Variants in BARHL2 observed in about 807,000 individuals in gnomAD.
BARHL2 encodes barH-like 2 homeobox protein.
A neutral mutation model predicts 27.1 loss-of-function variants in BARHL2; 10 were observed. That is an observed-to-expected ratio of 0.37 (90% CI 0.23 to 0.63). The LOEUF is 0.63. Ranked by LOEUF, BARHL2 falls within the 20% of genes least tolerant of loss-of-function variation. BARHL2 has a pLI of 0.65. For missense variants in BARHL2, 483 were observed against 533.5 expected (o/e 0.91, Z 0.93); for synonymous variants, 248 against 224.7 (o/e 1.10, Z -0.93).
Position 90,716,660 on chromosome 1 carries a change from T to G in BARHL2, c.536A>C (p.His179Pro), listed in dbSNP as rs765213848. ...CTCGAGCTTTGGCCTGAAGCTCTCGTGCACTGCGTTGCTCTCCTGCTTCGG... is the reference window on the plus strand; with the variant it reads ...CTCGAGCTTTGGCCTGAAGCTCTCGGGCACTGCGTTGCTCTCCTGCTTCGG... ...HTPKQESNAV[H>P]ESFRPKLEQE... is the part of the protein sequence containing the mutation. Residue 179 changes from histidine (H) to proline (P), a missense_variant, in exon 1 of 3, where the codon CAC (histidine) becomes CCC (proline). Physicochemically the swap from His to Pro is moderately conservative, Grantham distance 77. This residue lies in a region of BARHL2 where 304 missense variants were observed against 284.9 expected (regional missense o/e 1.07). Transcript: ENST00000370445. 2 of 1,613,682 alleles carry G rather than the reference T, an allele frequency of 1.2e-6. No homozygotes were observed. Among genetic ancestry groups the G allele is most frequent in the Non-Finnish European group, 1.7e-6 (2 of 1,179,882 alleles).
chr1:90,717,212 C>T lies in BARHL2; in HGVS notation c.-17G>A. The T allele has an allele frequency of 6.2e-7, 1 of 1,601,600 alleles. No homozygotes were observed. The highest frequency in any genetic ancestry group is 8.5e-7 in the Non-Finnish European group (1 of 1,176,232). ...CATTGTCATTGCTACATGAGGTCCA[C>T]GCCACTCCGCCGTTCAGCAGCCGCC... On this transcript the variant is annotated 5_prime_UTR_variant, in exon 1 of 3. The change creates a new upstream start codon in the 5' untranslated region. Transcript: ENST00000370445.
Position 90,712,275 on chromosome 1 carries a change from A to G in BARHL2, c.*37T>C, listed in dbSNP as rs372034213. 9 of 1,428,360 alleles carry G rather than the reference A, an allele frequency of 6.3e-6. No individual in the cohort carries two copies. The African/African-American group carries it at 1.3e-4, about 20-fold the overall frequency. The allele number at this position is 1,428,360 out of a possible 1,614,324, so 88.5% of individuals were successfully genotyped here. A position where few individuals can be genotyped will look rare whatever the true frequency, so the allele number is the denominator to read the frequency against. Reference sequence around the variant, plus strand: ...GCAGCAGTCCGGGTTGGGCAGGGATATGGGGAAGGGATTGCAGTGCCTTCG... The same window carrying G: ...GCAGCAGTCCGGGTTGGGCAGGGATGTGGGGAAGGGATTGCAGTGCCTTCG... On this transcript the variant is annotated 3_prime_UTR_variant, in exon 3 of 3. Coordinates refer to ENST00000370445, the MANE Select transcript of BARHL2 (RefSeq NM_020063.2).
chr1:90,717,091 G>A lies in BARHL2; in HGVS notation c.105C>T (p.Leu35=). Residue 35 remains leucine (L), a synonymous_variant, in exon 1 of 3, where the codon CTC becomes CTT. Transcript: ENST00000370445. Reference sequence around the variant, plus strand: ...TAAAATCCGCGGTCCTGGCCTCACCGAGCGGGCGGAAATCTCCATTCATCA... The same window carrying A: ...TAAAATCCGCGGTCCTGGCCTCACCAAGCGGGCGGAAATCTCCATTCATCA... ...PGMMNGDFRP[L]GEARTADFRS... is the part of the protein sequence containing the mutation. 5.0e-6 allele frequency: 8 copies of A among 1,613,960 alleles called. No homozygotes were observed. Among genetic ancestry groups the A allele is most frequent in the Non-Finnish European group, 6.8e-6 (8 of 1,179,974 alleles).
chr1:90,712,703 C>A, intron 2 of BARHL2, 79 bp from the exon 3 acceptor site: 1 of 1,373,014 alleles, frequency 7.3e-7, no homozygotes, highest in African/African-American at 1.5e-5. Context: ...TTCTCTGGCC[C>A]CTTCCTGCCT....
At chr1:90,714,315 T>C (rs982983908) in intron 2 of BARHL2, among the ~76,000 whole-genome samples, 6 of 152,188 alleles carry the variant, frequency 3.9e-5, no homozygotes, top group Non-Finnish European at 2.9e-5. Context: ...TTAAAGCACA[T>C]AGAATTGCAA....
chr1:90,715,243 T>C (rs566315417), intron 1 of BARHL2, among the ~76,000 whole-genome samples: 1 of 149,708 alleles, frequency 6.7e-6, no homozygotes, highest in East Asian at 2.0e-4. Flanking sequence ...CTGAAAGTTA[T>C]AGGTGTTTGT....
rs1658156303 is a variant in BARHL2 at position 90,716,806 on chromosome 1, C to T, written c.390G>A (p.Ser130=). 3.2e-6 allele frequency: 5 copies of T among 1,552,530 alleles called. No homozygotes were observed. Among genetic ancestry groups the T allele is most frequent in the Non-Finnish European group, 4.4e-6 (5 of 1,147,900 alleles). The change falls in exon 1 of 3, where the codon TCG becomes TCA. Residue 130 remains serine, a synonymous_variant. Transcript: ENST00000370445. ...PPPPPPQQLG[S]AASAPRTSTS... ...TGGAAGTCCTGGGGGCCGAGGCGGC[C>T]GAGCCCAGCTGCTGGGGGGGCGGCG...
At chr1:90,714,440 A>T in intron 2 of BARHL2, 91 bp downstream of exon 2, 1 of 1,268,098 alleles carries the variant, frequency 7.9e-7, no homozygotes, top group Non-Finnish European at 1.1e-6. Context: ...CAGTCCTTAG[A>T]GTCTCTGGAG....
chr1:90,714,893 C>A (rs529607364), intron 1 of BARHL2, 137 bp from the exon 2 acceptor site: 2 of 722,626 alleles, frequency 2.8e-6, no homozygotes, highest in Admixed American at 4.3e-5. Context: ...CTAGAACACA[C>A]ACACACTCAC....
chr1:90,715,841 A>G (rs1332341340), intron 1 of BARHL2, among the ~76,000 whole-genome samples: 4 of 143,812 alleles, frequency 2.8e-5, no homozygotes, highest in Non-Finnish European at 6.2e-5. Flanking sequence ...TTGTCATCTT[A>G]TTTTTTTTTT....
intron 1 of BARHL2, among the ~76,000 whole-genome samples, chr1:90,716,289 C>G (rs1402432337): frequency 1.3e-5 from 2 of 152,150 alleles, no homozygotes; most frequent in African/African-American, 4.8e-5. Flanking sequence ...CTGTCGGATG[C>G]CCTCCGCCGC....
At chr1:90,712,745 C>T in intron 2 of BARHL2, 121 bp from the exon 3 acceptor site, 8 of 1,008,494 alleles carry the variant, frequency 7.9e-6, no homozygotes, top group Non-Finnish European at 1.1e-5. Flanking sequence ...GGCAGGAAGA[C>T]TCAGAGACCT....
At chr1:90,714,115 G>A (rs796306550) in intron 2 of BARHL2, among the ~76,000 whole-genome samples, 15 of 152,308 alleles carry the variant, frequency 9.8e-5, no homozygotes, top group Admixed American at 7.2e-4. Flanking sequence ...TAGCTGGGCC[G>A]GGCCGTGTTG....
In BARHL2 at chr1:90,714,637, G is replaced by A. The variant is rs776386545; in HGVS notation, c.745C>T (p.Arg249Cys). Residue 249 changes from arginine to cysteine, a missense_variant, in exon 2 of 3, where the codon CGT becomes TGT. Coordinates refer to ENST00000370445, the MANE Select transcript of BARHL2 (RefSeq NM_020063.2). ...AGGTACTTCTGCCGCTCAAAGCTACGCTCCAGTTGATTGAGCTGGTGGTCG... is the reference window on the plus strand; with the variant it reads ...AGGTACTTCTGCCGCTCAAAGCTACACTCCAGTTGATTGAGCTGGTGGTCG... ...FSDHQLNQLE[R>C]SFERQKYLSV... 3.1e-6 allele frequency: 5 copies of A among 1,614,114 alleles called. No homozygotes were observed. The highest frequency in any genetic ancestry group is 2.2e-5 in the East Asian group (1 of 44,894).
At chr1:90,716,503 G>C (rs911227126) in intron 1 of BARHL2, 68 bp downstream of exon 1, 14 of 1,513,558 alleles carry the variant, frequency 9.2e-6, no homozygotes, top group African/African-American at 1.4e-5. Context: ...TCTGCTGAAG[G>C]CTGAAGGGGA....
In BARHL2 at chr1:90,712,598, A is replaced by G; in HGVS notation, c.878T>C (p.Val293Ala). ...TGCCTCGGCCAGCAACTCCAGGCCC[A>G]CCGCTGTCTGCCGCTTCCACTTGGT... is the stretch of plus-strand genomic sequence containing the variant. Reference protein sequence around the residue: ...RRTKWKRQTAVGLELLAEAGN... With the variant: ...RRTKWKRQTAAGLELLAEAGN... The change falls in exon 3 of 3, where the codon GTG becomes GCG. Residue 293 changes from valine to alanine, a missense_variant. By Grantham distance (64) the Val-to-Ala change is moderately conservative. This residue lies in a region of BARHL2 where 130 missense variants were observed against 138.0 expected (regional missense o/e 0.94). Coordinates refer to ENST00000370445, the MANE Select transcript of BARHL2 (RefSeq NM_020063.2). 6.2e-7 allele frequency: 1 copy of G among 1,609,142 alleles called. No individual in the cohort carries two copies. The highest frequency in any genetic ancestry group is 8.5e-7 in the Non-Finnish European group (1 of 1,176,556).
Position 90,716,855 on chromosome 1 carries a change from G to T in BARHL2, c.341C>A (p.Pro114Gln). ...SLQPLPQQQQ[P>Q]LPPQQPPPPP... ...CGGCGGCGGCTGCTGTGGCGGCAGC[G>T]GCTGCTGCTGTTGGGGCAAAGGCTG... Residue 114 changes from proline (P) to glutamine (Q), a missense_variant, in exon 1 of 3, where the codon CCG becomes CAG. Around this residue, in one of 3 missense-constraint regions of BARHL2, gnomAD observed 304 missense variants for 284.9 expected, o/e 1.07. Transcript: ENST00000370445. The T allele has an allele frequency of 6.4e-7, 1 of 1,556,664 alleles. No individual in the cohort carries two copies. Among genetic ancestry groups the T allele is most frequent in the African/African-American group, 1.4e-5 (1 of 73,006 alleles).
intron 1 of BARHL2, 65 bp from the exon 2 acceptor site, chr1:90,714,821 T>C: frequency 1.3e-6 from 2 of 1,481,900 alleles, no homozygotes; most frequent in Middle Eastern, 1.7e-4. Context: ...AGTGTCCTCC[T>C]GGCATACACT....
In BARHL2 at chr1:90,716,901, C is replaced by T; in HGVS notation, c.295G>A (p.Ala99Thr). The T allele has an allele frequency of 6.3e-7, 1 of 1,596,538 alleles. No homozygotes were observed. The highest frequency in any genetic ancestry group is 8.5e-7 in the Non-Finnish European group (1 of 1,173,592). Residue 99 changes from alanine (A) to threonine (T), a missense_variant, in exon 1 of 3, where the codon GCG (alanine) becomes ACG (threonine). Ala to Thr is a moderately conservative substitution (Grantham distance 58). Coordinates refer to ENST00000370445, the MANE Select transcript of BARHL2 (RefSeq NM_020063.2). ...GGCTGCAAACTTTGCGTCGGGGCCG[C>T]GGCCGGCGGCGGCGGCTGCTGGCTG... is the stretch of plus-strand genomic sequence containing the variant. ...HHSQQPPPPA[A>T]APTQSLQPLP...
Sources: allele counts gnomAD v4.1 joint callset (sites outside exome capture counted in the v4.1 genomes callset), GRCh38; gene constraint gnomAD v4.1.1; regional missense constraint gnomAD v4.1.1; transcripts MANE v1.5; gene names NCBI Gene and HGNC (gene_info 2026-07-23, HGNC 2026-07-21).